Variants in PCSK1 observed in about 807,000 individuals in gnomAD.
PCSK1 encodes proprotein convertase subtilisin/kexin type 1.
A neutral mutation model predicts 90.6 loss-of-function variants in PCSK1; 56 were observed. The observed-to-expected ratio is 0.62, with a 90% CI of 0.50 to 0.77. The LOEUF is 0.77. Ranked by LOEUF, PCSK1 falls within the 30% of genes least tolerant of loss-of-function variation. The probability of loss-of-function intolerance (pLI) is 0.00; values close to 1 mark genes in which losing one functional copy is unlikely to be tolerated. For missense variants in PCSK1, 801 were observed against 932.6 expected (o/e 0.86, Z 1.84); for synonymous variants, 348 against 342.4 (o/e 1.02, Z -0.18).
chr5:96,432,190 G>A, intron 1 of PCSK1: 1 of 1,478,036 alleles, frequency 6.8e-7, no homozygotes, highest in Non-Finnish European at 9.1e-7. Context: ...GACTTTATAA[G>A]TTCCCAGTGA....
chr5:96,430,693 AATT>A, intron 1 of PCSK1, among the ~76,000 whole-genome samples: 1 of 152,342 alleles, frequency 6.6e-6, no homozygotes, highest in East Asian at 1.9e-4. Context: ...TTCTACAAAG[AATT>A]ATTATTCTAA....
chr5:96,428,262 T>A (rs1213268611), intron 2 of PCSK1, among the ~76,000 whole-genome samples: 2 of 152,150 alleles, frequency 1.3e-5, no homozygotes, highest in Non-Finnish European at 2.9e-5. Flanking sequence ...TATATATATA[T>A]TTTCCCCCTG....
At chr5:96,394,503 G>A (rs1760063235) in intron 13 of PCSK1, among the ~76,000 whole-genome samples, 1 of 152,146 alleles carries the variant, frequency 6.6e-6, no homozygotes, top group Non-Finnish European at 1.5e-5. Context: ...AGGGATTATA[G>A]GTTAATGAGA....
At position 96,393,076 on chromosome 5, in the gene PCSK1, AT is replaced by A. The variant is rs1760004533; in HGVS notation, c.2186del (p.Tyr729LeufsTer21). On this transcript the variant is annotated frameshift_variant, in exon 14 of 14. Transcript: ENST00000311106. LOFTEE classifies it high-confidence loss of function. ...CTCTGTGCTTGTAAGGTTTAGTGTT[AT>A]AAAAAACATCAACATAGTCATTATA... ...SLYNDYVDVF[Y>X]NTKPYKHRDD... The A allele has an allele frequency of 6.2e-7, 1 of 1,614,004 alleles. No homozygotes were observed. Among genetic ancestry groups the A allele is most frequent in the Non-Finnish European group, 8.5e-7 (1 of 1,179,946 alleles).
chr5:96,429,027 C>T (rs1761404929), intron 2 of PCSK1, among the ~76,000 whole-genome samples, 186 bp downstream of exon 2: 1 of 151,900 alleles, frequency 6.6e-6, no homozygotes, highest in African/African-American at 2.4e-5. Context: ...ACCAATTCAA[C>T]CCAATCTTGT....
In PCSK1 at chr5:96,421,870, A is replaced by G. The variant is rs1200184492; in HGVS notation, c.620+10T>C. ...AGTACTTTATTTCACACAAATGCAT[A>G]TTTACTCACTTGTTCTCGTTTGTGG... On this transcript the variant is annotated intron_variant, in intron 5 of 13. Coordinates refer to ENST00000311106, the MANE Select transcript of PCSK1 (RefSeq NM_000439.5). The G allele has an allele frequency of 1.4e-6, 2 of 1,409,730 alleles. No homozygotes were observed. The highest frequency in any genetic ancestry group is 2.0e-6 in the Non-Finnish European group (2 of 994,354). The allele number at this position is 1,409,730 out of a possible 1,614,324, so 87.3% of individuals were successfully genotyped here. A position where few individuals can be genotyped will look rare whatever the true frequency, so the allele number is the denominator to read the frequency against.
At chr5:96,393,994 G>C (rs1760045612) in intron 13 of PCSK1, among the ~76,000 whole-genome samples, 1 of 152,220 alleles carries the variant, frequency 6.6e-6, no homozygotes, top group East Asian at 1.9e-4. Flanking sequence ...AGACTGTGAA[G>C]AAAAGTACTC....
rs368450993 is a variant in PCSK1 at position 96,399,081 on chromosome 5, T to A, written c.1431-45A>T. 50 of 1,449,208 alleles carry A rather than the reference T, an allele frequency of 3.5e-5. No individual in the cohort carries two copies. The African/African-American group carries it at 5.6e-4, about 16-fold the overall frequency. 89.8% of individuals were successfully genotyped at this position (1,449,208 alleles called of 1,614,324 possible). A position where few individuals can be genotyped will look rare whatever the true frequency, so the allele number is the denominator to read the frequency against. ...AGCATTGAATAAAGTATATCCAAACTTCCTTGCATTTTATGCATATCTGCA... is the reference window on the plus strand; with the variant it reads ...AGCATTGAATAAAGTATATCCAAACATCCTTGCATTTTATGCATATCTGCA... On this transcript the variant is annotated intron_variant, in intron 10 of 13. Coordinates refer to ENST00000311106, the MANE Select transcript of PCSK1 (RefSeq NM_000439.5).
intron 9 of PCSK1, among the ~76,000 whole-genome samples, chr5:96,406,591 T>C (rs1760573976): frequency 1.3e-5 from 2 of 152,152 alleles, no homozygotes; most frequent in Admixed American, 6.5e-5. Context: ...CCCATCTCCA[T>C]AGGAAGCCCC....
intron 5 of PCSK1, among the ~76,000 whole-genome samples, chr5:96,420,453 T>C (rs1280924736): frequency 1.3e-5 from 2 of 152,208 alleles, no homozygotes; most frequent in Admixed American, 6.5e-5. Context: ...ATTGTGTTTT[T>C]ACTGGAATGT....
chr5:96,393,182 T>C lies in PCSK1; in HGVS notation c.2081A>G (p.Asn694Ser). 1.2e-6 allele frequency: 2 copies of C among 1,614,164 alleles called. No homozygotes were observed. Among genetic ancestry groups the C allele is most frequent in the Non-Finnish European group, 1.7e-6 (2 of 1,180,010 alleles). ...TTCGTAGAAGTTTTCATAAGGGATG[T>C]TGAGCTTTGCACTTGGGGACTTCTT... ...SPKKSPSAKL[N>S]IPYENFYEAL... The change falls in exon 14 of 14, where the codon AAC (asparagine) becomes AGC (serine). Residue 694 changes from asparagine to serine, a missense_variant. Coordinates refer to ENST00000311106, the MANE Select transcript of PCSK1 (RefSeq NM_000439.5).
chr5:96,400,624 G>A (rs1760323279), intron 9 of PCSK1, among the ~76,000 whole-genome samples: 1 of 152,192 alleles, frequency 6.6e-6, no homozygotes, highest in Non-Finnish European at 1.5e-5. Context: ...TCCTTCTTAG[G>A]AAGAGTGAGA....
At chr5:96,405,448 A>G (rs1760527835) in intron 9 of PCSK1, among the ~76,000 whole-genome samples, 1 of 152,176 alleles carries the variant, frequency 6.6e-6, no homozygotes, top group African/African-American at 2.4e-5. Flanking sequence ...GAGACTGTCC[A>G]TCAGAGACTG....
chr5:96,400,979 C>CGGG (rs1279972362), intron 9 of PCSK1, among the ~76,000 whole-genome samples: 1 of 143,852 alleles, frequency 7.0e-6, no homozygotes, highest in East Asian at 2.1e-4. Context: ...CCCAGCTACT[C>CGGG]GGGAGGCTGA....
At chr5:96,414,256 C>T (rs1028052859) in intron 6 of PCSK1, among the ~76,000 whole-genome samples, 2 of 152,086 alleles carry the variant, frequency 1.3e-5, no homozygotes, top group East Asian at 1.9e-4. Flanking sequence ...AATAACAGCT[C>T]ATGTGCATTC....
At chr5:96,412,996 C>T (rs1486924268) in intron 6 of PCSK1, 1 of 991,734 alleles carries the variant, frequency 1.0e-6, no homozygotes, top group South Asian at 4.5e-5. Context: ...TGGCTGTGGC[C>T]CAGTCTACGC....
chr5:96,402,649 GAGTA>G (rs61120147), intron 9 of PCSK1, among the ~76,000 whole-genome samples: 6,181 of 152,204 alleles, frequency 0.041, 347 homozygotes, highest in African/African-American at 0.13. Flanking sequence ...GGAACAGGGC[GAGTA>G]AGTGTTTTCT....
rs140899352 is a variant in PCSK1, at chr5:96,393,159, C to T, written c.2104G>A (p.Glu702Lys). 6.8e-5 allele frequency: 110 copies of T among 1,614,146 alleles called. No individual in the cohort carries two copies. The East Asian group carries it at 6.9e-4, about 10-fold the overall frequency. The change falls in exon 14 of 14, where the codon GAA becomes AAA. Residue 702 changes from glutamate to lysine, a missense_variant. Coordinates refer to ENST00000311106, the MANE Select transcript of PCSK1 (RefSeq NM_000439.5). The part of the protein sequence containing the change: ...KLNIPYENFY[E>K]ALEKLNKPSQ... Reference sequence around the variant, plus strand: ...GGTTTGTTCAGCTTTTCCAGGGCTTCGTAGAAGTTTTCATAAGGGATGTTG... The same window carrying T: ...GGTTTGTTCAGCTTTTCCAGGGCTTTGTAGAAGTTTTCATAAGGGATGTTG...
intron 9 of PCSK1, among the ~76,000 whole-genome samples, chr5:96,406,978 T>C (rs141451263): frequency 3.9e-5 from 6 of 152,306 alleles, no homozygotes; most frequent in Admixed American, 3.9e-4. Context: ...TATTGGACTA[T>C]TGGGTAATTA....
Sources: allele counts gnomAD v4.1 joint callset (sites outside exome capture counted in the v4.1 genomes callset), GRCh38; gene constraint gnomAD v4.1.1; transcripts MANE v1.5; gene names NCBI Gene and HGNC (gene_info 2026-07-23, HGNC 2026-07-21).